FKBP7: variants seen among roughly 807,000 people sequenced by gnomAD.
The protein encoded by FKBP7 is peptidyl-prolyl cis-trans isomerase FKBP7.
FKBP7 carries 24 observed loss-of-function variants against 24.3 expected under a neutral mutation model. The observed-to-expected ratio is 0.99, with a 90% CI of 0.72 to 1.39. The LOEUF (loss-of-function observed/expected upper bound fraction) is 1.39, where lower values mean the gene tolerates loss of function less well. FKBP7 is among the 40% of genes most tolerant of loss of function. The pLI is 0.00. For missense variants in FKBP7, 257 were observed against 269.5 expected, an observed-to-expected ratio of 0.95 and a Z score of 0.33; for synonymous variants, 98 against 92.8, an observed-to-expected ratio of 1.06 and a Z score of -0.32.
rs1684590087 is a variant in FKBP7, at chr2:178,464,029, G to A, written c.*1741C>T. 1.3e-5 allele frequency: 2 copies of A among 152,208 alleles called. No homozygotes were observed. Among genetic ancestry groups the A allele is most frequent in the Admixed American group, 1.3e-4 (2 of 15,278 alleles). The allele number at this position is 152,208 out of a possible 1,614,324, so 9.4% of individuals were successfully genotyped here. ...AAATATTGGGAGGAAGGAAAAGATA[G>A]TACAGATTCTTGTTTTATAAGGTGT... On this transcript the variant is annotated 3_prime_UTR_variant, in exon 4 of 4. Transcript: ENST00000424785.
intron 3 of FKBP7, among the ~76,000 whole-genome samples, chr2:178,468,418 TGAA>T (rs1684742792): frequency 6.6e-6 from 1 of 151,562 alleles, no homozygotes; most frequent in Non-Finnish European, 1.5e-5. Context: ...TTTGGGAGGC[TGAA>T]GAAGGAGAAT....
rs1257158302 is a variant in FKBP7 at position 178,478,581 on chromosome 2, C to T, written c.-82G>A. On this transcript the variant is annotated 5_prime_UTR_variant, in exon 1 of 4. Transcript: ENST00000424785. ...CCCGCGGCCGAGTTCCGACGCGTGGCAGGCGTTGTCCTGCGTCACAAAGGG... is the reference window on the plus strand; with the variant it reads ...CCCGCGGCCGAGTTCCGACGCGTGGTAGGCGTTGTCCTGCGTCACAAAGGG... The T allele has an allele frequency of 7.0e-6, 11 of 1,580,026 alleles. No individual in the cohort carries two copies. The highest frequency in any genetic ancestry group is 8.6e-6 in the Non-Finnish European group (10 of 1,167,120).
rs1173400430 is a variant in FKBP7, at chr2:178,465,525, GTC to G, written c.*243_*244del. On this transcript the variant is annotated 3_prime_UTR_variant, in exon 4 of 4. Coordinates refer to ENST00000424785, the MANE Select transcript of FKBP7 (RefSeq NM_181342.3). Reference sequence around the variant, plus strand: ...AAAAAATGCCCACTGGGACCCAGAGGTCTGTTTCATGGTGCTACAATTCTTGT... The same window carrying G: ...AAAAAATGCCCACTGGGACCCAGAGGTGTTTCATGGTGCTACAATTCTTGT... 3.5e-6 allele frequency: 1 copy of G among 288,458 alleles called. No homozygotes were observed. Among genetic ancestry groups the G allele is most frequent in the Non-Finnish European group, 6.3e-6 (1 of 158,102 alleles). 17.9% of individuals were successfully genotyped at this position (288,458 alleles called of 1,614,324 possible).
At position 178,465,216 on chromosome 2, in the gene FKBP7, G is replaced by C. The variant is rs1188707164; in HGVS notation, c.*554C>G. The stretch of plus-strand genomic sequence containing the variant: ...TTACACCAAAAAGTTTAGAGACTGT[G>C]TTGCGTTCTTTGTGGAACAGAGATA... On this transcript the variant is annotated 3_prime_UTR_variant, in exon 4 of 4. Transcript: ENST00000424785. The C allele has an allele frequency of 6.6e-6, 1 of 152,166 alleles. No homozygotes were observed. Among genetic ancestry groups the C allele is most frequent in the Non-Finnish European group, 1.5e-5 (1 of 68,026 alleles). The allele number at this position is 152,166 out of a possible 1,614,324, so 9.4% of individuals were successfully genotyped here.
intron 3 of FKBP7, among the ~76,000 whole-genome samples, chr2:178,468,750 A>G (rs1333969520): frequency 1.3e-5 from 2 of 152,202 alleles, no homozygotes; most frequent in East Asian, 3.8e-4. Context: ...AAAAGCGAAG[A>G]TGATGACAAT....
chr2:178,476,445 T>C (rs1685003316), intron 2 of FKBP7, among the ~76,000 whole-genome samples: 1 of 152,206 alleles, frequency 6.6e-6, no homozygotes, highest in Non-Finnish European at 1.5e-5. Flanking sequence ...GCAACCAATC[T>C]CCAGAACTCT....
chr2:178,478,307 C>T lies in FKBP7; in HGVS notation c.193G>A (p.Ala65Thr). Residue 65 changes from alanine to threonine, a missense_variant, in exon 1 of 4, where the codon GCT (alanine) becomes ACT (threonine). By Grantham distance (58) the Ala-to-Thr change is moderately conservative (BLOSUM62 0). Coordinates refer to ENST00000424785, the MANE Select transcript of FKBP7 (RefSeq NM_181342.3). ...CAGTAGAATTTCGAGCCGTCTTTAG[C>T]CAGGTAGCCGTCATAATGGGCATTT... ...LLNAHYDGYL[A>T]KDGSKFYCSR... 1 of 1,614,104 alleles carries T rather than the reference C, an allele frequency of 6.2e-7. No homozygotes were observed. Among genetic ancestry groups the T allele is most frequent in the Non-Finnish European group, 8.5e-7 (1 of 1,180,034 alleles).
intron 2 of FKBP7, 61 bp from the exon 3 acceptor site, chr2:178,469,846 T>G: frequency 7.3e-7 from 1 of 1,370,678 alleles, no homozygotes. Context: ...TATCTATTCA[T>G]GAACTGCCAT....
chr2:178,467,694 G>A (rs1156430638), intron 3 of FKBP7: 1 of 152,048 alleles, frequency 6.6e-6, no homozygotes, highest in African/African-American at 2.4e-5. Context: ...AGACATCTGG[G>A]GAAATTGTAG....
chr2:178,465,860 A>T lies in FKBP7; in HGVS notation c.579T>A (p.Val193=), dbSNP rs1195515478. The T allele has an allele frequency of 1.9e-6, 3 of 1,612,350 alleles. No individual in the cohort carries two copies. The African/African-American group carries it at 4.0e-5, about 22-fold the overall frequency. The change falls in exon 4 of 4, where the codon GTT becomes GTA. Residue 193 remains valine (V), a synonymous_variant. Transcript: ENST00000424785. ...CATTCTTCTTAAAAATATCTTCTAA[A>T]ACTGCATCCTGATATGACTTGTCAC... ...KPRDKSYQDA[V]LEDIFKKNDH...
At chr2:178,466,989 AG>A (rs932885386) in intron 3 of FKBP7, among the ~76,000 whole-genome samples, 11 of 152,230 alleles carry the variant, frequency 7.2e-5, no homozygotes, top group Admixed American at 6.5e-5. Context: ...ACCTTAATGA[AG>A]GATACATCAA....
At chr2:178,474,274 C>T (rs1206244633) in intron 2 of FKBP7, among the ~76,000 whole-genome samples, 1 of 152,168 alleles carries the variant, frequency 6.6e-6, no homozygotes, top group African/African-American at 2.4e-5. Flanking sequence ...GGAGCAAGAA[C>T]CTAACTAAGG....
Position 178,465,907 on chromosome 2 carries a change from A to G in FKBP7, c.532T>C (p.Phe178Leu). 6.2e-7 allele frequency: 1 copy of G among 1,605,096 alleles called. No homozygotes were observed. The highest frequency in any genetic ancestry group is 8.5e-7 in the Non-Finnish European group (1 of 1,177,314). Reference sequence around the variant, plus strand: ...TCACGTGGCTTCTCATCTTTTTCAAATTCCCTTTGCAAGTAGAGGTTTATC... The same window carrying G: ...TCACGTGGCTTCTCATCTTTTTCAAGTTCCCTTTGCAAGTAGAGGTTTATC... ...AEINLYLQRE[F>L]EKDEKPRDKS... Residue 178 changes from phenylalanine (F) to leucine (L), a missense_variant, in exon 4 of 4, where the codon TTT becomes CTT. Phe to Leu is a conservative substitution (Grantham distance 22, BLOSUM62 0). Transcript: ENST00000424785.
intron 2 of FKBP7, among the ~76,000 whole-genome samples, chr2:178,471,843 T>C (rs182800260): frequency 3.9e-5 from 6 of 152,110 alleles, no homozygotes; most frequent in Admixed American, 6.5e-5. Flanking sequence ...TTAGTAGTTT[T>C]CAAAGAGAAA....
chr2:178,474,695 C>CT (rs934777715), intron 2 of FKBP7, among the ~76,000 whole-genome samples: 45 of 149,292 alleles, frequency 3.0e-4, no homozygotes, highest in East Asian at 5.8e-4. Flanking sequence ...GTCTTGTCCA[C>CT]TTTTTTTTTT....
In FKBP7 at chr2:178,469,742, A is replaced by C. The variant is rs1684796098; in HGVS notation, c.417T>G (p.Ile139Met). Residue 139 changes from isoleucine (I) to methionine (M), a missense_variant, in exon 3 of 4, where the codon ATT becomes ATG. Physicochemically the swap from Ile to Met is conservative, Grantham distance 10 (BLOSUM62 1). Transcript: ENST00000424785. ...GTCCTTTGGTCACAGCATAAAGTTC[A>C]ATCTCAAAAATCAATGTAGCATCCG... ...IPPDATLIFE[I>M]ELYAVTKGPR... 6.2e-7 allele frequency: 1 copy of C among 1,613,836 alleles called. No homozygotes were observed. The highest frequency in any genetic ancestry group is 1.3e-5 in the African/African-American group (1 of 74,922).
At chr2:178,474,120 A>C (rs868467363) in intron 2 of FKBP7, among the ~76,000 whole-genome samples, 1 of 152,206 alleles carries the variant, frequency 6.6e-6, no homozygotes, top group Non-Finnish European at 1.5e-5. Context: ...AAGGCATGCC[A>C]CTTCCATGAA....
intron 2 of FKBP7, among the ~76,000 whole-genome samples, chr2:178,476,734 T>TTTTTTTG (rs1685013617): frequency 7.9e-6 from 1 of 125,978 alleles, no homozygotes. Flanking sequence ...TTTTTTTTTT[T>TTTTTTTG]GTAGAGCAGG....
chr2:178,473,703 G>C (rs1189367533), intron 2 of FKBP7, among the ~76,000 whole-genome samples: 2 of 152,206 alleles, frequency 1.3e-5, no homozygotes, highest in Non-Finnish European at 2.9e-5. Flanking sequence ...ACGCAAGACA[G>C]AAAGGAAAAC....
Sources: gnomAD v4.1 joint callset for allele counts (sites outside exome capture counted in the v4.1 genomes callset) on GRCh38, gnomAD v4.1.1 for gene constraint, MANE v1.5 for transcripts, NCBI Gene and HGNC (gene_info 2026-07-23, HGNC 2026-07-21) for gene names.